SEPTIN7: variants seen among roughly 807,000 people sequenced by gnomAD.
The protein encoded by SEPTIN7 is septin 7, also known as septin-7.
Under a neutral mutation model 63.3 loss-of-function variants are expected in SEPTIN7, and 10 were observed. That is an observed-to-expected ratio of 0.16 (90% CI 0.10 to 0.27). SEPTIN7 has a LOEUF of 0.27. Among genes scored for constraint, SEPTIN7 ranks in the 10% least tolerant of loss-of-function variants. The pLI, the probability that SEPTIN7 is intolerant of heterozygous loss-of-function variation, is 1.00. For synonymous variants in SEPTIN7, 131 were observed against 165.3 expected, an observed-to-expected ratio of 0.79 and a Z score of 1.59; for missense variants, 310 against 521.0, an observed-to-expected ratio of 0.59 and a Z score of 3.94.
chr7:35,900,401 G>T (rs565147289), intron 12 of SEPTIN7: 1 of 152,142 alleles, frequency 6.6e-6, no homozygotes, highest in Non-Finnish European at 1.5e-5. Flanking sequence ...ACCAAAATGT[G>T]CATACACACA....
chr7:35,820,756 T>G (rs116420007), intron 1 of SEPTIN7, among the ~76,000 whole-genome samples: 2,809 of 147,550 alleles, frequency 0.019, 93 homozygotes, highest in African/African-American at 0.07. Context: ...CAGTTTTGAG[T>G]TTTTTTTGCA....
At chr7:35,898,556 T>C in intron 12 of SEPTIN7, 173 bp downstream of exon 12, 1 of 508,288 alleles carries the variant, frequency 2.0e-6, no homozygotes, top group East Asian at 2.9e-5. Flanking sequence ...TATAATAAAA[T>C]AATACATACT....
chr7:35,803,384 A>G (rs1367138030), intron 1 of SEPTIN7, among the ~76,000 whole-genome samples: 2 of 152,210 alleles, frequency 1.3e-5, no homozygotes, highest in South Asian at 4.1e-4. Context: ...TAGGACAACA[A>G]CAACAACAAA....
chr7:35,826,768 C>CT (rs1309280917), intron 1 of SEPTIN7, among the ~76,000 whole-genome samples: 1 of 152,010 alleles, frequency 6.6e-6, no homozygotes, highest in Non-Finnish European at 1.5e-5. Flanking sequence ...TAAGTTGCTG[C>CT]TTTTTCCTAT....
At chr7:35,850,965 T>C (rs1433718967) in intron 3 of SEPTIN7, among the ~76,000 whole-genome samples, 1 of 152,146 alleles carries the variant, frequency 6.6e-6, no homozygotes, top group Non-Finnish European at 1.5e-5. Context: ...AAGCAGGACT[T>C]CTCAGATTCT....
chr7:35,826,223 G>T (rs1783506670), intron 1 of SEPTIN7, among the ~76,000 whole-genome samples: 1 of 151,922 alleles, frequency 6.6e-6, no homozygotes, highest in Non-Finnish European at 1.5e-5. Context: ...ACACATATCT[G>T]TGTATGATAT....
intron 3 of SEPTIN7, 107 bp from the exon 4 acceptor site, chr7:35,863,445 C>T (rs1228569384): frequency 4.9e-6 from 3 of 617,646 alleles, no homozygotes; most frequent in Admixed American, 6.0e-5. Flanking sequence ...TTCATTGTCT[C>T]ACCAAGAAGT....
At chr7:35,859,450 A>G (rs974685015) in intron 3 of SEPTIN7, among the ~76,000 whole-genome samples, 1 of 152,190 alleles carries the variant, frequency 6.6e-6, no homozygotes, top group Non-Finnish European at 1.5e-5. Context: ...TCCTTGAGAA[A>G]AGTGTGTAGA....
chr7:35,820,957 T>C (rs1789374468), intron 1 of SEPTIN7, among the ~76,000 whole-genome samples: 1 of 152,198 alleles, frequency 6.6e-6, no homozygotes, highest in African/African-American at 2.4e-5. Context: ...AAATCTCTGC[T>C]TGGTTATCTT....
In SEPTIN7 at chr7:35,906,404, G is replaced by A. The variant is rs1355065228; in HGVS notation, c.*2111G>A. ...GGTTCTTTTTGCCATTTGGCCTGTG[G>A]ATGTCTGAGAAGATCATTCACAATA... On this transcript the variant is annotated 3_prime_UTR_variant, in exon 14 of 14. Transcript: ENST00000350320. 6.6e-6 allele frequency: 1 copy of A among 152,188 alleles called. No individual in the cohort carries two copies. Among genetic ancestry groups the A allele is most frequent in the African/African-American group, 2.4e-5 (1 of 41,440 alleles). 9.4% of individuals were successfully genotyped at this position (152,188 alleles called of 1,614,324 possible).
intron 1 of SEPTIN7, among the ~76,000 whole-genome samples, chr7:35,817,602 G>T (rs749968486): frequency 2.6e-5 from 4 of 152,074 alleles, no homozygotes; most frequent in Non-Finnish European, 5.9e-5. Flanking sequence ...GATAGCCATG[G>T]TGTTGAACTT....
downstream of SEPTIN7, among the ~76,000 whole-genome samples, chr7:35,910,857 TGGAGA>T (rs1788728892): frequency 6.6e-6 from 1 of 152,224 alleles, no homozygotes; most frequent in Non-Finnish European, 1.5e-5. Context: ...ACTGGTTTGG[TGGAGA>T]GACCCGATAA....
intron 1 of SEPTIN7, among the ~76,000 whole-genome samples, chr7:35,801,782 G>C (rs1367966098): frequency 6.6e-6 from 1 of 151,916 alleles, no homozygotes; most frequent in African/African-American, 2.4e-5. Flanking sequence ...GCCAACCCGG[G>C]CGGGCGGCGG....
At chr7:35,893,152 A>G (rs565111436) in intron 11 of SEPTIN7, among the ~76,000 whole-genome samples, 7 of 152,286 alleles carry the variant, frequency 4.6e-5, no homozygotes, top group African/African-American at 1.4e-4. Flanking sequence ...AACTGAAAAG[A>G]AAGACTAATG....
intron 9 of SEPTIN7, among the ~76,000 whole-genome samples, chr7:35,884,619 G>C (rs1787112907): frequency 6.6e-6 from 1 of 152,146 alleles, no homozygotes. Flanking sequence ...ACTTTTATCG[G>C]AACGTCAGAT....
At chr7:35,896,944 T>C (rs1359600143) in intron 11 of SEPTIN7, among the ~76,000 whole-genome samples, 20 of 152,252 alleles carry the variant, frequency 1.3e-4, no homozygotes, top group Admixed American at 5.9e-4. Context: ...CCTTTTTGTT[T>C]TGTTTCTAAC....
At chr7:35,897,813 A>T (rs748731099) in intron 11 of SEPTIN7, among the ~76,000 whole-genome samples, 1 of 152,180 alleles carries the variant, frequency 6.6e-6, no homozygotes, top group Non-Finnish European at 1.5e-5. Context: ...TTGTGTTGTT[A>T]GTAGCTGTCT....
At chr7:35,915,168 T>C in the SEPTIN7 span, among the ~76,000 whole-genome samples, 3 of 151,998 alleles carry the variant, frequency 2.0e-5, no homozygotes, top group East Asian at 1.9e-4. Flanking sequence ...TACATATATA[T>C]ACACACATAT....
At chr7:35,900,208 C>T (rs1223783410) in intron 12 of SEPTIN7, 1 of 152,140 alleles carries the variant, frequency 6.6e-6, no homozygotes, top group East Asian at 1.9e-4. Context: ...ATTTCTCTTA[C>T]ATTATTGGGC....
Sources: allele counts gnomAD v4.1 joint callset (sites outside exome capture counted in the v4.1 genomes callset), GRCh38; gene constraint gnomAD v4.1.1; transcripts MANE v1.5; gene names NCBI Gene and HGNC (gene_info 2026-07-23, HGNC 2026-07-21).